Variants in SUGCT observed in about 807,000 individuals in gnomAD.
SUGCT encodes the protein succinyl-CoA:glutarate CoA-transferase.
Under a neutral mutation model 55.0 loss-of-function variants are expected in SUGCT, and 41 were observed. The ratio of observed to expected loss-of-function variants is 0.74; its 90% CI spans 0.58 to 0.97. SUGCT has a LOEUF of 0.97. Among genes scored for constraint, SUGCT ranks in the 50% least tolerant of loss-of-function variants. SUGCT has a pLI of 0.00. For missense variants in SUGCT, 568 were observed against 547.8 expected (o/e 1.04, Z -0.37); for synonymous variants, 187 against 200.4 (o/e 0.93, Z 0.56).
At chr7:40,658,518 TCTG>T (rs1367764890) in intron 12 of SUGCT, among the ~76,000 whole-genome samples, 3 of 152,170 alleles carry the variant, frequency 2.0e-5, no homozygotes, top group African/African-American at 7.2e-5. Context: ...TAGATCCTTA[TCTG>T]CGGGTCAGGG....
intron 12 of SUGCT, among the ~76,000 whole-genome samples, chr7:40,689,255 T>A (rs1473020703): frequency 6.6e-6 from 1 of 152,190 alleles, no homozygotes; most frequent in East Asian, 1.9e-4. Flanking sequence ...AGACATCTTG[T>A]TGTTCTAGAG....
chr7:40,307,921 T>C (rs1184812602), intron 8 of SUGCT, among the ~76,000 whole-genome samples: 2 of 152,198 alleles, frequency 1.3e-5, no homozygotes, highest in Admixed American at 1.3e-4. Flanking sequence ...TGCCAGAAAC[T>C]CAAAATCTCT....
chr7:40,465,077 T>C (rs1327416780), intron 11 of SUGCT, among the ~76,000 whole-genome samples: 1 of 152,246 alleles, frequency 6.6e-6, no homozygotes, highest in Non-Finnish European at 1.5e-5. Context: ...TCATCATAAA[T>C]AAAACTAACA....
chr7:40,932,053 G>A, the SUGCT span, among the ~76,000 whole-genome samples: 1 of 151,964 alleles, frequency 6.6e-6, no homozygotes, highest in African/African-American at 2.4e-5. Context: ...TTTCTCTTGT[G>A]GACATTTAGT....
chr7:40,867,792 A>C, the SUGCT span, among the ~76,000 whole-genome samples: 2 of 152,336 alleles, frequency 1.3e-5, no homozygotes, highest in Admixed American at 1.3e-4. Context: ...TGTTCGCTGC[A>C]TGTTGTTTGC....
chr7:40,453,383 A>G (rs1354095707), intron 10 of SUGCT, among the ~76,000 whole-genome samples: 3 of 152,228 alleles, frequency 2.0e-5, no homozygotes, highest in Non-Finnish European at 4.4e-5. Flanking sequence ...GGAAAATGCT[A>G]GAGAGATTGC....
At chr7:40,237,147 A>G (rs1280087848) in intron 6 of SUGCT, among the ~76,000 whole-genome samples, 1 of 149,946 alleles carries the variant, frequency 6.7e-6, no homozygotes, top group African/African-American at 2.4e-5. Flanking sequence ...TTTTTTTTTA[A>G]GAATAGCCAG....
At chr7:40,903,100 C>T in the SUGCT span, among the ~76,000 whole-genome samples, 7 of 150,898 alleles carry the variant, frequency 4.6e-5, no homozygotes, top group African/African-American at 1.5e-4. Context: ...GGTGCGATCT[C>T]GGCTCACTGC....
intron 13 of SUGCT, among the ~76,000 whole-genome samples, chr7:40,853,127 C>T (rs1260961244): frequency 6.6e-6 from 1 of 150,928 alleles, no homozygotes; most frequent in Non-Finnish European, 1.5e-5. Flanking sequence ...GGGTCCAGGT[C>T]TATGTTTTGT....
chr7:40,162,450 T>C (rs2150648727), intron 1 of SUGCT, among the ~76,000 whole-genome samples: 1 of 152,210 alleles, frequency 6.6e-6, no homozygotes, highest in East Asian at 1.9e-4. Context: ...ATTGATTTAC[T>C]GAAATGATTC....
chr7:40,411,350 G>T (rs1424781973), intron 9 of SUGCT, among the ~76,000 whole-genome samples: 1 of 152,182 alleles, frequency 6.6e-6, no homozygotes, highest in Admixed American at 6.5e-5. Flanking sequence ...CCGAGATCGT[G>T]CCACTGTGCT....
chr7:40,300,739 C>T (rs1345420030), intron 8 of SUGCT, among the ~76,000 whole-genome samples: 5 of 152,150 alleles, frequency 3.3e-5, no homozygotes, highest in African/African-American at 1.2e-4. Flanking sequence ...TAAAAGCCAT[C>T]CAGTTTGTGC....
At chr7:40,868,841 C>G in the SUGCT span, among the ~76,000 whole-genome samples, 6 of 152,266 alleles carry the variant, frequency 3.9e-5, no homozygotes, top group African/African-American at 9.6e-5. Flanking sequence ...AGCCACTGAG[C>G]CTGGCTATGG....
chr7:40,868,473 C>T, the SUGCT span, among the ~76,000 whole-genome samples: 1 of 152,154 alleles, frequency 6.6e-6, no homozygotes. Context: ...TCATCCATGT[C>T]CCTGCAAATG....
At chr7:40,561,906 G>A (rs1417980552) in intron 12 of SUGCT, among the ~76,000 whole-genome samples, 1 of 150,460 alleles carries the variant, frequency 6.6e-6, no homozygotes, top group Non-Finnish European at 1.5e-5. Context: ...TGGTCAGGCT[G>A]GTCTTGAACT....
intron 13 of SUGCT, among the ~76,000 whole-genome samples, chr7:40,783,784 A>C (rs1029420769): frequency 2.6e-5 from 4 of 152,168 alleles, no homozygotes; most frequent in Non-Finnish European, 4.4e-5. Context: ...CTGGGATCCT[A>C]GATTTGCTCT....
intron 11 of SUGCT, among the ~76,000 whole-genome samples, chr7:40,486,340 TTTTA>T (rs1250583674): frequency 9.2e-5 from 14 of 152,150 alleles, no homozygotes. Flanking sequence ...TGTTTTTGGA[TTTTA>T]TTTATTTGAG....
At chr7:40,794,027 C>T (rs1418800386) in intron 13 of SUGCT, among the ~76,000 whole-genome samples, 2 of 150,528 alleles carry the variant, frequency 1.3e-5, no homozygotes, top group Admixed American at 1.3e-4. Flanking sequence ...GATTTTTTTT[C>T]TTATAACTTT....
At chr7:40,799,749 T>C (rs1332985536) in intron 13 of SUGCT, among the ~76,000 whole-genome samples, 3 of 152,214 alleles carry the variant, frequency 2.0e-5, no homozygotes, top group Non-Finnish European at 4.4e-5. Flanking sequence ...AGTAGATTTA[T>C]TAATTTTTCA....
Sources: allele counts gnomAD v4.1 joint callset (sites outside exome capture counted in the v4.1 genomes callset), GRCh38; gene constraint gnomAD v4.1.1; transcripts MANE v1.5; gene names NCBI Gene and HGNC (gene_info 2026-07-23, HGNC 2026-07-21).